MMP20: variants seen among roughly 807,000 people sequenced by gnomAD.
MMP20 encodes the protein matrix metalloproteinase-20.
A neutral mutation model predicts 51.8 loss-of-function variants in MMP20; 50 were observed. The observed-to-expected ratio is 0.97, with a 90% CI of 0.77 to 1.22. The LOEUF (loss-of-function observed/expected upper bound fraction) is 1.22, where lower values mean the gene tolerates loss of function less well. Among genes scored for constraint, MMP20 ranks in the 50% most tolerant of loss-of-function variants. The probability of loss-of-function intolerance (pLI) is 0.00; values close to 1 mark genes in which losing one functional copy is unlikely to be tolerated. For synonymous variants in MMP20, 244 were observed against 216.2 expected, an observed-to-expected ratio of 1.13 and a Z score of -1.13; for missense variants, 663 against 601.4, an observed-to-expected ratio of 1.10 and a Z score of -1.07.
At chr11:102,598,153 A>G (rs1295654214) in intron 6 of MMP20, among the ~76,000 whole-genome samples, 4 of 152,246 alleles carry the variant, frequency 2.6e-5, no homozygotes, top group Non-Finnish European at 5.9e-5. Flanking sequence ...GCAATAAAAC[A>G]GTAACATACT....
chr11:102,594,689 G>A lies in MMP20; in HGVS notation c.1022C>T (p.Pro341Leu). ...IRPSTITSSFPQLMSNVDAAY... is the reference protein window; with the variant it reads ...IRPSTITSSFLQLMSNVDAAY... Reference sequence around the variant, plus strand: ...TGCATCCACATTGGACATGAGCTGGGGGAAGGAGCTGGTAATAGTGCTGGG... The same window carrying A: ...TGCATCCACATTGGACATGAGCTGGAGGAAGGAGCTGGTAATAGTGCTGGG... Residue 341 changes from proline to leucine, a missense_variant, in exon 7 of 10, where the codon CCC (proline) becomes CTC (leucine). Coordinates refer to ENST00000260228, the MANE Select transcript of MMP20 (RefSeq NM_004771.4). The A allele has an allele frequency of 6.2e-7, 1 of 1,613,590 alleles. No homozygotes were observed.
chr11:102,597,484 A>G (rs759300562), intron 6 of MMP20, among the ~76,000 whole-genome samples: 3 of 152,200 alleles, frequency 2.0e-5, no homozygotes, highest in East Asian at 3.8e-4. Flanking sequence ...GTGATTTTGC[A>G]CCCTGGGGGA....
intron 6 of MMP20, among the ~76,000 whole-genome samples, chr11:102,600,894 G>C (rs909815270): frequency 6.6e-6 from 1 of 151,898 alleles, no homozygotes; most frequent in South Asian, 2.1e-4. Context: ...TCAGTCCTCA[G>C]TCTGGTGACC....
intron 1 of MMP20, 63 bp downstream of exon 1, chr11:102,625,131 C>T (rs1859804913): frequency 2.5e-6 from 4 of 1,602,416 alleles, no homozygotes; most frequent in Non-Finnish European, 3.4e-6. Context: ...TATTTTCTCA[C>T]TATGCCCTTT....
intron 8 of MMP20, among the ~76,000 whole-genome samples, chr11:102,588,029 T>C (rs993437014): frequency 1.3e-5 from 2 of 152,124 alleles, no homozygotes; most frequent in African/African-American, 4.8e-5. Flanking sequence ...CCTCTATTCA[T>C]CCTCACTGTT....
Position 102,577,099 on chromosome 11 carries a change from T to A in MMP20, c.*227A>T. 1.9e-6 allele frequency: 1 copy of A among 513,406 alleles called. No individual in the cohort carries two copies. The highest frequency in any genetic ancestry group is 3.5e-6 in the Non-Finnish European group (1 of 284,352). The allele number at this position is 513,406 out of a possible 1,614,324, so 31.8% of individuals were successfully genotyped here. A position where few individuals can be genotyped will look rare whatever the true frequency, so the allele number is the denominator to read the frequency against. ...TAACTGCAGAGTGCATTGTGTTGAT[T>A]TGGATTTCGCATAAAGTTGCCCATA... On this transcript the variant is annotated 3_prime_UTR_variant, in exon 10 of 10. Transcript: ENST00000260228.
intron 1 of MMP20, among the ~76,000 whole-genome samples, chr11:102,618,695 C>G (rs1192124219): frequency 6.6e-6 from 1 of 152,124 alleles, no homozygotes; most frequent in Non-Finnish European, 1.5e-5. Flanking sequence ...CACACGCACA[C>G]ACATACAATA....
At chr11:102,589,811 A>G (rs115778360) in intron 8 of MMP20, among the ~76,000 whole-genome samples, 2,971 of 152,286 alleles carry the variant, frequency 0.02, 87 homozygotes, top group African/African-American at 0.067. Flanking sequence ...AAAACATGAA[A>G]AAACAAGATT....
intron 7 of MMP20, among the ~76,000 whole-genome samples, 158 bp downstream of exon 7, chr11:102,594,463 T>A (rs1175469829): frequency 2.6e-5 from 4 of 152,170 alleles, no homozygotes; most frequent in Admixed American, 6.5e-5. Flanking sequence ...ATGTCGGGTA[T>A]AACAAATGTA....
chr11:102,593,620 G>A (rs760434897), intron 7 of MMP20, 25 bp from the exon 8 acceptor site: 26 of 1,613,302 alleles, frequency 1.6e-5, no homozygotes, highest in East Asian at 4.5e-5. Context: ...TAAAGTTTAC[G>A]AAAACTCTGC....
At chr11:102,604,501 T>C (rs1213373543) in intron 6 of MMP20, among the ~76,000 whole-genome samples, 1 of 152,200 alleles carries the variant, frequency 6.6e-6, no homozygotes, top group Non-Finnish European at 1.5e-5. Context: ...TTCCCACTCT[T>C]AAGAATAGTA....
At chr11:102,580,017 T>C (rs1859175237) in intron 8 of MMP20, among the ~76,000 whole-genome samples, 1 of 152,222 alleles carries the variant, frequency 6.6e-6, no homozygotes, top group South Asian at 2.1e-4. Context: ...GAACAATAAG[T>C]AAATAAGAAG....
At chr11:102,613,049 T>C (rs1859623568) in intron 2 of MMP20, among the ~76,000 whole-genome samples, 2 of 152,132 alleles carry the variant, frequency 1.3e-5, no homozygotes, top group Non-Finnish European at 2.9e-5. Flanking sequence ...AAATAATACA[T>C]TCTTAAAGAG....
At chr11:102,602,050 C>G (rs1025607247) in intron 6 of MMP20, among the ~76,000 whole-genome samples, 1 of 149,030 alleles carries the variant, frequency 6.7e-6, no homozygotes, top group Non-Finnish European at 1.5e-5. Flanking sequence ...CCCGGGTTCA[C>G]GCCATTCTCC....
At chr11:102,613,793 A>C (rs547551893) in intron 2 of MMP20, among the ~76,000 whole-genome samples, 2 of 152,338 alleles carry the variant, frequency 1.3e-5, no homozygotes, top group South Asian at 4.1e-4. Flanking sequence ...CAGACCCTTA[A>C]AGGGACTATT....
rs1302373225 is a variant in MMP20 at position 102,617,025 on chromosome 11, CCTT to C, written c.158_160del (p.Glu53del). 2 of 1,614,004 alleles carry C rather than the reference CCTT, an allele frequency of 1.2e-6. No homozygotes were observed. Among genetic ancestry groups the C allele is most frequent in the East Asian group, 2.2e-5 (1 of 44,892 alleles). On this transcript the variant is annotated inframe_deletion, in exon 2 of 10. Transcript: ENST00000260228. ...TGCAACCATCTCACCAATCTGGTGT[CCTT>C]CTTTATTTGTGTAATATTTGTCAAG...
chr11:102,610,197 A>G (rs1859579711), intron 3 of MMP20, among the ~76,000 whole-genome samples, 167 bp from the exon 4 acceptor site: 1 of 152,212 alleles, frequency 6.6e-6, no homozygotes, highest in Non-Finnish European at 1.5e-5. Context: ...GTAACAGCCC[A>G]TTGAAAAATA....
At chr11:102,588,301 C>A (rs1163496955) in intron 8 of MMP20, among the ~76,000 whole-genome samples, 6 of 151,844 alleles carry the variant, frequency 4.0e-5, no homozygotes, top group African/African-American at 1.5e-4. Flanking sequence ...ATCTGAAGCC[C>A]CAAATTAATT....
intron 8 of MMP20, among the ~76,000 whole-genome samples, chr11:102,583,251 T>C (rs1859216659): frequency 6.6e-6 from 1 of 152,204 alleles, no homozygotes; most frequent in African/African-American, 2.4e-5. Context: ...CAATCAAATC[T>C]ACCCCAACTC....
Sources: allele counts gnomAD v4.1 joint callset (sites outside exome capture counted in the v4.1 genomes callset), GRCh38; gene constraint gnomAD v4.1.1; transcripts MANE v1.5; gene names NCBI Gene and HGNC (gene_info 2026-07-23, HGNC 2026-07-21).